Variants in DYM observed in about 807,000 individuals in gnomAD.
The protein encoded by DYM is dyggve-Melchior-Clausen syndrome protein.
DYM carries 78 observed loss-of-function variants against 93.1 expected under a neutral mutation model. The observed-to-expected ratio is 0.84, with a 90% CI of 0.70 to 1.01. The LOEUF (loss-of-function observed/expected upper bound fraction) is 1.01, where lower values mean the gene tolerates loss of function less well. DYM is among the 50% of genes least tolerant of loss of function. The pLI is 0.00. For synonymous variants in DYM, 321 were observed against 319.7 expected (o/e 1.00, Z -0.04); for missense variants, 789 against 845.0 (o/e 0.93, Z 0.82).
At chr18:49,389,842 T>G (rs2069021034) in intron 3 of DYM, among the ~76,000 whole-genome samples, 1 of 150,204 alleles carries the variant, frequency 6.7e-6, no homozygotes, top group South Asian at 2.1e-4. Flanking sequence ...TTCAGTTTTC[T>G]TAATGTAATT....
Position 49,084,559 on chromosome 18 carries a change from T to A in DYM, c.2025+12843A>T, listed in dbSNP as rs549574047. The stretch of plus-strand genomic sequence containing the variant: ...CTGGGGCATTAGTCTCCAACTATTA[T>A]TTTTGAATTGTCTCTACTTCTTTTC... On this transcript the variant is annotated intron_variant, in intron 17 of 17. Transcript: ENST00000675505. Among the ~76,000 whole-genome samples, 6 of 152,356 alleles carry A rather than the reference T, an allele frequency of 3.9e-5. No individual in the cohort carries two copies. In the South Asian group the frequency reaches 1.2e-3, roughly 32 times the overall value.
chr18:49,361,968 C>T (rs1410957429), intron 6 of DYM, among the ~76,000 whole-genome samples: 3 of 152,080 alleles, frequency 2.0e-5, no homozygotes, highest in Admixed American at 6.6e-5. Context: ...TCATGAACTG[C>T]CCACCTTGGC....
At chr18:49,307,348 T>G (rs1321632419) in intron 8 of DYM, among the ~76,000 whole-genome samples, 1 of 152,062 alleles carries the variant, frequency 6.6e-6, no homozygotes, top group Non-Finnish European at 1.5e-5. Context: ...TTACCCATGG[T>G]CCAGGATGGC....
chr18:49,278,481 T>C (rs2094899429), intron 10 of DYM, among the ~76,000 whole-genome samples: 1 of 152,132 alleles, frequency 6.6e-6, no homozygotes, highest in Non-Finnish European at 1.5e-5. Flanking sequence ...AGTGACTATA[T>C]ATTATTTGTC....
chr18:49,082,917 C>T (rs547029789), intron 17 of DYM, among the ~76,000 whole-genome samples: 8 of 152,250 alleles, frequency 5.3e-5, no homozygotes, highest in Admixed American at 6.5e-5. Context: ...TGACGTTAGC[C>T]GTAGGTTTTT....
intron 15 of DYM, among the ~76,000 whole-genome samples, chr18:49,129,129 AAAAAAG>A (rs1364421925): frequency 6.6e-6 from 1 of 152,052 alleles, no homozygotes; most frequent in Non-Finnish European, 1.5e-5. Context: ...TAAAAAAAAA[AAAAAAG>A]AAAAACAGAG....
At chr18:49,313,511 A>G (rs4939858) in intron 8 of DYM, among the ~76,000 whole-genome samples, 120,804 of 121,942 alleles carry the variant, frequency 0.99, 59,833 homozygotes, top group Middle Eastern at 1. Context: ...CTGCAGTAAA[A>G]AACCTGGCCA....
At chr18:49,417,210 C>A (rs2073096810) in intron 2 of DYM, among the ~76,000 whole-genome samples, 1 of 151,900 alleles carries the variant, frequency 6.6e-6, no homozygotes, top group African/African-American at 2.4e-5. Context: ...AAAGCATTGG[C>A]CTGACCATAG....
chr18:49,058,622 A>G (rs79889389), intron 17 of DYM, among the ~76,000 whole-genome samples: 3,718 of 152,308 alleles, frequency 0.024, 52 homozygotes, highest in South Asian at 0.067. Flanking sequence ...ACAAATTTAC[A>G]TATTTCAATA....
chr18:49,179,565 A>C (rs569955219), intron 14 of DYM, among the ~76,000 whole-genome samples: 6 of 152,278 alleles, frequency 3.9e-5, no homozygotes, highest in Admixed American at 3.3e-4. Context: ...GATGATGATG[A>C]TGATGATGAC....
chr18:49,407,521 T>C (rs1350124327), intron 2 of DYM, among the ~76,000 whole-genome samples: 1 of 152,126 alleles, frequency 6.6e-6, no homozygotes, highest in Non-Finnish European at 1.5e-5. Flanking sequence ...AGCCAGCATG[T>C]TACAAGGCAA....
intron 11 of DYM, among the ~76,000 whole-genome samples, chr18:49,266,596 A>G (rs2094573651): frequency 6.6e-6 from 1 of 152,222 alleles, no homozygotes; most frequent in Admixed American, 6.5e-5. Context: ...GGGTGGCAAG[A>G]GTGAGACCCT....
intron 1 of DYM, among the ~76,000 whole-genome samples, chr18:49,435,487 T>C (rs537439127): frequency 7.1e-6 from 1 of 141,468 alleles, no homozygotes; most frequent in East Asian, 2.1e-4. Flanking sequence ...TCTCATAAAA[T>C]GCTCAATTAA....
chr18:49,404,861 A>G (rs2071276461), intron 2 of DYM, among the ~76,000 whole-genome samples: 1 of 151,948 alleles, frequency 6.6e-6, no homozygotes, highest in African/African-American at 2.4e-5. Flanking sequence ...AAAAATACAA[A>G]AATTAGCCAG....
intron 6 of DYM, among the ~76,000 whole-genome samples, chr18:49,346,838 CTAA>C (rs1432570468): frequency 6.6e-6 from 1 of 152,108 alleles, no homozygotes; most frequent in Non-Finnish European, 1.5e-5. Context: ...TGCTCTTTGA[CTAA>C]TAATGGAGTT....
chr18:49,162,058 A>G (rs2087222033), intron 15 of DYM, among the ~76,000 whole-genome samples: 1 of 152,222 alleles, frequency 6.6e-6, no homozygotes, highest in Non-Finnish European at 1.5e-5. Flanking sequence ...TAATGGCAAG[A>G]TAATTTTTAG....
At position 49,210,400 on chromosome 18, in the gene DYM, A is replaced by T. The variant is rs188496427; in HGVS notation, c.1461-685T>A. On this transcript the variant is annotated intron_variant, in intron 13 of 17. Coordinates refer to ENST00000675505, the MANE Select transcript of DYM (RefSeq NM_001353214.3). ...GGCTAAAAAAATGAGCTATGAAGTC[A>T]TGAAAAGACATGGAGGAACCTAAAT... Among the ~76,000 whole-genome samples the T allele has an allele frequency of 5.6e-4, 85 of 152,342 alleles. 2 individuals carry two copies. The East Asian group carries it at 0.016, about 28-fold the overall frequency.
intron 8 of DYM, among the ~76,000 whole-genome samples, chr18:49,298,442 CT>C (rs2060694510): frequency 6.6e-6 from 1 of 151,826 alleles, no homozygotes; most frequent in African/African-American, 2.4e-5. Context: ...TTAGCCAGGC[CT>C]GGTGGCGGGC....
At chr18:49,177,219 T>G (rs2089479063) in intron 14 of DYM, among the ~76,000 whole-genome samples, 1 of 152,174 alleles carries the variant, frequency 6.6e-6, no homozygotes, top group Non-Finnish European at 1.5e-5. Context: ...AGGGTAGAAG[T>G]TATTATTATC....
Sources: gnomAD v4.1 joint callset for allele counts (sites outside exome capture counted in the v4.1 genomes callset) on GRCh38, gnomAD v4.1.1 for gene constraint, MANE v1.5 for transcripts, NCBI Gene and HGNC (gene_info 2026-07-23, HGNC 2026-07-21) for gene names.